Variants in DPP6 observed in about 807,000 individuals in gnomAD.
DPP6 encodes the protein A-type potassium channel modulatory protein DPP6.
In DPP6, 69 loss-of-function variants were observed where a neutral mutation model predicts 122.6. That is an observed-to-expected ratio of 0.56 (90% confidence interval 0.46 to 0.69). The LOEUF is 0.69. DPP6 is among the 30% of genes least tolerant of loss of function. DPP6 has a pLI of 0.00. For missense variants in DPP6, 928 were observed against 1,116.9 expected (o/e 0.83, Z 2.41); for synonymous variants, 418 against 433.1 (o/e 0.97, Z 0.43).
chr7:153,973,632 C>A (rs1195057917), intron 1 of DPP6, among the ~76,000 whole-genome samples: 3 of 113,420 alleles, frequency 2.6e-5, no homozygotes, highest in Non-Finnish European at 5.8e-5. Context: ...CACCATCGCT[C>A]GTGTGTGTGT....
chr7:154,792,412 G>T (rs1307869764), intron 10 of DPP6, among the ~76,000 whole-genome samples: 1 of 152,260 alleles, frequency 6.6e-6, no homozygotes, highest in Non-Finnish European at 1.5e-5. Flanking sequence ...TAAAGCAAGG[G>T]CTAGGCAGAG....
At chr7:153,843,329 A>G in the DPP6 span, among the ~76,000 whole-genome samples, 1,780 of 152,206 alleles carry the variant, frequency 0.012, 37 homozygotes, top group African/African-American at 0.041. Context: ...AAAGCTAACA[A>G]AGAGTTTCTG....
At position 154,784,172 on chromosome 7, in the gene DPP6, C is replaced by A. The variant is rs75004571; in HGVS notation, c.1137-9907C>A. Among the ~76,000 whole-genome samples the A allele has an allele frequency of 8.7e-3, 1,328 of 152,216 alleles. 17 individuals are homozygous for A. Among genetic ancestry groups the A allele is most frequent in the South Asian group, 0.015 (73 of 4,816 alleles). On this transcript the variant is annotated intron_variant, in intron 10 of 25. Transcript: ENST00000377770. ...CCTCCTGCATGGCGTGAACAGTGCA[C>A]ATCCAAGCTTCGACAGCAGCCTCTG...
chr7:154,466,451 C>G (rs901402479), intron 2 of DPP6, among the ~76,000 whole-genome samples: 2 of 152,210 alleles, frequency 1.3e-5, no homozygotes, highest in Admixed American at 6.5e-5. Context: ...GGTGAAGTCT[C>G]CCTTCCTGGC....
chr7:153,983,292 G>T (rs749569762), intron 1 of DPP6, among the ~76,000 whole-genome samples: 2 of 152,214 alleles, frequency 1.3e-5, no homozygotes, highest in African/African-American at 2.4e-5. Context: ...TGGCTTGGCC[G>T]TGCTGCCATG....
intron 5 of DPP6, 26 bp downstream of exon 5, chr7:154,566,942 A>G (rs1242173739): frequency 6.6e-7 from 1 of 1,519,650 alleles, no homozygotes; most frequent in Non-Finnish European, 9.1e-7. Context: ...TACTGCCTAC[A>G]AAATAATTGT....
In DPP6 at chr7:154,833,295, G is replaced by A. The variant is rs898476859; in HGVS notation, c.1667-20485G>A. ...GGAGGACAGTCAAAGGCAGAGGATG[G>A]GATGGCAAGGTGTTTAAGAAAGACC... is the stretch of plus-strand genomic sequence containing the variant. On this transcript the variant is annotated intron_variant, in intron 16 of 25. Coordinates refer to ENST00000377770, the MANE Select transcript of DPP6 (RefSeq NM_130797.4). This position sits in a 1 kb window ranked among gnomAD's most constrained non-coding sequence, Gnocchi z 4.3. 2.0e-5 allele frequency among the ~76,000 whole-genome samples: 3 copies of A among 152,216 alleles called. No individual in the cohort carries two copies. Among genetic ancestry groups the A allele is most frequent in the Non-Finnish European group, 4.4e-5 (3 of 68,040 alleles).
intron 6 of DPP6, among the ~76,000 whole-genome samples, chr7:154,658,068 G>A (rs10266693): frequency 0.86 from 130,649 of 152,192 alleles, 56,398 homozygotes; most frequent in East Asian, 0.98. Context: ...ACAGAGGTTT[G>A]GAGACCCAAA....
intron 1 of DPP6, among the ~76,000 whole-genome samples, chr7:154,203,461 C>T (rs1387998605): frequency 7.9e-5 from 12 of 152,176 alleles, no homozygotes; most frequent in Non-Finnish European, 1.8e-4. Flanking sequence ...CTGACCTCTG[C>T]TCAGAAGCCT....
intron 1 of DPP6, among the ~76,000 whole-genome samples, chr7:154,375,076 T>C (rs892078802): frequency 6.6e-6 from 1 of 152,070 alleles, no homozygotes; most frequent in Non-Finnish European, 1.5e-5. Context: ...TCTCAGGGAC[T>C]GGAAGGCTCT....
intron 1 of DPP6, among the ~76,000 whole-genome samples, chr7:153,905,040 C>G (rs888018038): frequency 3.9e-5 from 6 of 152,302 alleles, no homozygotes; most frequent in Middle Eastern, 3.4e-3. Context: ...GGGGGAAAGC[C>G]CAGTAAGATC....
chr7:154,807,491 C>T (rs1798773849), intron 16 of DPP6, among the ~76,000 whole-genome samples: 2 of 152,158 alleles, frequency 1.3e-5, no homozygotes, highest in South Asian at 2.1e-4. Flanking sequence ...GATAGGAAAA[C>T]AATTTCAAAG....
rs552891209 is a variant in DPP6 at position 154,266,648 on chromosome 7, ATT to A, written c.244-179565_244-179564del. Among the ~76,000 whole-genome samples, 412 of 152,298 alleles carry A rather than the reference ATT, an allele frequency of 2.7e-3. 1 individual carries two copies. Among genetic ancestry groups the A allele is most frequent in the African/African-American group, 9.3e-3 (387 of 41,564 alleles). On this transcript the variant is annotated intron_variant, in intron 1 of 25. Transcript: ENST00000377770. ...CCAGAGATGTTTTTGACTGAAATTC[ATT>A]GGTTAACTAACAGTGCTTACTGGGT... is the stretch of plus-strand genomic sequence containing the variant.
At chr7:154,720,426 C>T (rs1384018146) in intron 7 of DPP6, among the ~76,000 whole-genome samples, 1 of 152,246 alleles carries the variant, frequency 6.6e-6, no homozygotes, top group Non-Finnish European at 1.5e-5. Context: ...GCCTTATGTA[C>T]ATCTCAGTAT....
At position 154,241,213 on chromosome 7, in the gene DPP6, GTGTGTGTA is replaced by G. The variant is rs1178192305; in HGVS notation, c.243+188152_243+188159del. Among the ~76,000 whole-genome samples the G allele has an allele frequency of 7.5e-3, 1,130 of 150,324 alleles. 22 individuals are homozygous for G. Among genetic ancestry groups the G allele is most frequent in the African/African-American group, 0.027 (1,072 of 40,010 alleles). ...TGTGTGTGTGTGTGTGTGTGTGTGT[GTGTGTGTA>G]TATATATATAGAGAGAGAGAGAGAC... On this transcript the variant is annotated intron_variant, in intron 1 of 25. Coordinates refer to ENST00000377770, the MANE Select transcript of DPP6 (RefSeq NM_130797.4). The surrounding 1 kb of genome is among the most constrained non-coding windows in gnomAD (Gnocchi z 9.0).
At chr7:154,551,248 A>G (rs1366224485) in intron 4 of DPP6, among the ~76,000 whole-genome samples, 1 of 152,212 alleles carries the variant, frequency 6.6e-6, no homozygotes, top group Non-Finnish European at 1.5e-5. Context: ...TAACAAATCT[A>G]TCTTTTGTTT....
At chr7:154,671,536 C>T (rs920599104) in intron 7 of DPP6, among the ~76,000 whole-genome samples, 7 of 152,172 alleles carry the variant, frequency 4.6e-5, no homozygotes, top group Non-Finnish European at 1.0e-4. Flanking sequence ...TGCAAATAAA[C>T]CGGGTCCCGT....
At chr7:153,887,780 G>C (rs907595783) in intron 1 of DPP6, 60 of 1,601,310 alleles carry the variant, frequency 3.7e-5, no homozygotes, top group Non-Finnish European at 5.0e-5. Context: ...GGGACCCACC[G>C]TGAGGAGCGA....
intron 1 of DPP6, among the ~76,000 whole-genome samples, chr7:153,961,279 C>T (rs1795336698): frequency 6.6e-6 from 1 of 151,354 alleles, no homozygotes; most frequent in Non-Finnish European, 1.5e-5. Context: ...GTTCAAGCCT[C>T]ATGCCAGCTG....
Sources: gnomAD v4.1 joint callset for allele counts (sites outside exome capture counted in the v4.1 genomes callset) on GRCh38, gnomAD v4.1.1 for gene constraint, Gnocchi (gnomAD v3.1) non-coding constraint, MANE v1.5 for transcripts, NCBI Gene and HGNC (gene_info 2026-07-23, HGNC 2026-07-21) for gene names.